The following PDE3A variants were observed in gnomAD, a reference collection of about 807,000 sequenced individuals.
The protein encoded by PDE3A is phosphodiesterase 3A.
A neutral mutation model predicts 98.3 loss-of-function variants in PDE3A; 43 were observed. That is an observed-to-expected ratio of 0.44 (90% confidence interval 0.34 to 0.56). PDE3A has a LOEUF of 0.56. PDE3A is among the 20% of genes least tolerant of loss of function. The pLI, the probability that PDE3A is intolerant of heterozygous loss-of-function variation, is 0.01. For missense variants in PDE3A, 1,427 were observed against 1,440.7 expected (o/e 0.99, Z 0.15); for synonymous variants, 663 against 567.9 (o/e 1.17, Z -2.38).
intron 2 of PDE3A, among the ~76,000 whole-genome samples, chr12:20,578,237 C>G (rs1161067471): frequency 6.6e-6 from 1 of 152,004 alleles, no homozygotes; most frequent in Admixed American, 6.6e-5. Context: ...AGGACCGTGT[C>G]AGGATAGACA....
At chr12:20,429,291 T>C (rs1023335432) in intron 1 of PDE3A, among the ~76,000 whole-genome samples, 2 of 152,142 alleles carry the variant, frequency 1.3e-5, no homozygotes, top group Admixed American at 1.3e-4. Context: ...GTCAGAAAAA[T>C]AGCATACGTG....
rs971832305 is a variant in PDE3A at position 20,416,320 on chromosome 12, G to A, written c.960+46076G>A. On this transcript the variant is annotated intron_variant, in intron 1 of 15. Transcript: ENST00000359062. ...AATTATGTGAAACAGACAAACTACC[G>A]TTAGGTTGTTTTCCTGTGCGGAATA... Among the ~76,000 whole-genome samples the A allele has an allele frequency of 8.5e-5, 13 of 152,240 alleles. No homozygotes were observed. The Middle Eastern group carries it at 0.01, about 119-fold the overall frequency.
intron 1 of PDE3A, among the ~76,000 whole-genome samples, chr12:20,370,895 A>G (rs576748764): frequency 6.6e-6 from 1 of 152,332 alleles, no homozygotes; most frequent in Admixed American, 6.5e-5. Context: ...TGTGTTTTGT[A>G]TCACAAACTT....
At chr12:20,444,135 T>C (rs1944914546) in intron 1 of PDE3A, among the ~76,000 whole-genome samples, 1 of 152,140 alleles carries the variant, frequency 6.6e-6, no homozygotes, top group Non-Finnish European at 1.5e-5. Context: ...AGCATGCCAT[T>C]CCTTTCCCCT....
At chr12:20,557,607 G>A (rs1414874853) in intron 2 of PDE3A, among the ~76,000 whole-genome samples, 1 of 152,210 alleles carries the variant, frequency 6.6e-6, no homozygotes, top group East Asian at 1.9e-4. Context: ...CTTCTCCCAA[G>A]TGTTTACAAA....
At chr12:20,573,921 T>C (rs946660771) in intron 2 of PDE3A, among the ~76,000 whole-genome samples, 1 of 152,030 alleles carries the variant, frequency 6.6e-6, no homozygotes, top group Non-Finnish European at 1.5e-5. Context: ...TCAGAATTGC[T>C]TTTCTGACAA....
At chr12:20,648,284 T>C (rs924965194) in intron 12 of PDE3A, among the ~76,000 whole-genome samples, 1 of 150,048 alleles carries the variant, frequency 6.7e-6, no homozygotes, top group Non-Finnish European at 1.5e-5. Flanking sequence ...TTATATATTA[T>C]ATTTATATTT....
intron 1 of PDE3A, among the ~76,000 whole-genome samples, chr12:20,416,930 G>A (rs1299411238): frequency 6.6e-6 from 1 of 152,100 alleles, no homozygotes; most frequent in Non-Finnish European, 1.5e-5. Context: ...TACATAAGGT[G>A]AGATGTAGTT....
In PDE3A at chr12:20,592,730, AGT is replaced by A. The variant is rs1029008027; in HGVS notation, c.1012-20708_1012-20707del. 4.3e-4 allele frequency among the ~76,000 whole-genome samples: 65 copies of A among 152,164 alleles called. 1 individual carries two copies. Among genetic ancestry groups the A allele is most frequent in the African/African-American group, 1.5e-3 (62 of 41,514 alleles). On this transcript the variant is annotated intron_variant, in intron 2 of 15. Transcript: ENST00000359062. The stretch of plus-strand genomic sequence containing the variant: ...GGGATCTGTGTTTGCCTGTTAATTG[AGT>A]GTGTTTATTGCAGGCAGTTGCCTTA...
chr12:20,668,088 G>A (rs1271592263), intron 15 of PDE3A, among the ~76,000 whole-genome samples: 4 of 152,192 alleles, frequency 2.6e-5, no homozygotes, highest in Non-Finnish European at 4.4e-5. Flanking sequence ...AGGGGTGACA[G>A]ATGGCACCTG....
At chr12:20,448,211 G>A (rs1234649150) in intron 1 of PDE3A, among the ~76,000 whole-genome samples, 5 of 152,050 alleles carry the variant, frequency 3.3e-5, no homozygotes, top group South Asian at 2.1e-4. Context: ...AGGCCGAGGC[G>A]GGTGGATCAC....
intron 2 of PDE3A, among the ~76,000 whole-genome samples, chr12:20,611,031 AAGG>A (rs1373654467): frequency 1.3e-5 from 2 of 151,908 alleles, no homozygotes; most frequent in African/African-American, 2.4e-5. Flanking sequence ...TTTGTTAAAT[AAGG>A]AGATTTCAGC....
chr12:20,567,797 A>G (rs1189549526), intron 2 of PDE3A, among the ~76,000 whole-genome samples: 3 of 152,006 alleles, frequency 2.0e-5, no homozygotes, highest in Non-Finnish European at 4.4e-5. Context: ...TTGGCTTAAA[A>G]TCAATGGAAC....
rs917741830 is a variant in PDE3A, at chr12:20,552,476, C to T, written c.961-4184C>T. ...CCAGAAGGCTACCTGGAAGCCCTGG[C>T]CAACCGAGAGCGAGAGAAGGAGAAC... On this transcript the variant is annotated intron_variant, in intron 1 of 15. Transcript: ENST00000359062. This position sits in a 1 kb window ranked among gnomAD's most constrained non-coding sequence, Gnocchi z 5.1. The T allele has an allele frequency of 1.5e-5, 24 of 1,612,342 alleles. No individual in the cohort carries two copies. The African/African-American group carries it at 2.8e-4, about 19-fold the overall frequency.
chr12:20,399,830 T>G (rs1449934958), intron 1 of PDE3A, among the ~76,000 whole-genome samples: 1 of 152,242 alleles, frequency 6.6e-6, no homozygotes, highest in Non-Finnish European at 1.5e-5. Context: ...TTAAGGATGG[T>G]GTAACCATAT....
intron 2 of PDE3A, chr12:20,571,759 G>A (rs1363780279): frequency 4.9e-6 from 1 of 202,414 alleles, no homozygotes; most frequent in African/African-American, 2.4e-5. Flanking sequence ...TCTAAGCACT[G>A]TTTTCGTAAC....
chr12:20,456,019 G>T (rs997264702), intron 1 of PDE3A, among the ~76,000 whole-genome samples: 1 of 152,052 alleles, frequency 6.6e-6, no homozygotes, highest in Non-Finnish European at 1.5e-5. Context: ...AAATACATGA[G>T]AAAAAATGTT....
intron 14 of PDE3A, among the ~76,000 whole-genome samples, chr12:20,651,730 T>A (rs1194712691): frequency 6.6e-6 from 1 of 151,294 alleles, no homozygotes; most frequent in African/African-American, 2.4e-5. Flanking sequence ...TGAAATTTTA[T>A]GGTTACTATA....
intron 1 of PDE3A, among the ~76,000 whole-genome samples, chr12:20,548,264 A>T (rs544241723): frequency 2.2e-4 from 34 of 152,030 alleles, no homozygotes; most frequent in African/African-American, 6.7e-4. Flanking sequence ...TTTAAAAAAA[A>T]TTTTTTTTAG....
Sources: gnomAD v4.1 joint callset for allele counts (sites outside exome capture counted in the v4.1 genomes callset) on GRCh38, gnomAD v4.1.1 for gene constraint, Gnocchi (gnomAD v3.1) non-coding constraint, MANE v1.5 for transcripts, NCBI Gene and HGNC (gene_info 2026-07-23, HGNC 2026-07-21) for gene names.